HPSE2: variants seen among roughly 807,000 people sequenced by gnomAD.
HPSE2 encodes the protein inactive heparanase-2.
HPSE2 carries 38 observed loss-of-function variants against 60.5 expected under a neutral mutation model. The ratio of observed to expected loss-of-function variants is 0.63; its 90% confidence interval spans 0.48 to 0.82. The LOEUF (loss-of-function observed/expected upper bound fraction) is 0.82, where lower values mean the gene tolerates loss of function less well. Ranked by LOEUF, HPSE2 falls within the 40% of genes least tolerant of loss-of-function variation. HPSE2 has a pLI of 0.00. For synonymous variants in HPSE2, 295 were observed against 293.2 expected (o/e 1.01, Z -0.06); for missense variants, 713 against 740.4 (o/e 0.96, Z 0.43).
chr10:98,922,202 ATT>A (rs1434943915), intron 3 of HPSE2, among the ~76,000 whole-genome samples: 5 of 152,186 alleles, frequency 3.3e-5, no homozygotes, highest in African/African-American at 4.8e-5. Context: ...TCCCATGTGT[ATT>A]TTATACTTGC....
Position 98,703,354 on chromosome 10 carries a change from C to G in HPSE2, c.957-9407G>C, listed in dbSNP as rs148283726. ...TCACAGCTGAATTCTACCAGAGGTA[C>G]AAAGAAGAGCTGGTACCAGTCCTTC... On this transcript the variant is annotated intron_variant, in intron 5 of 11. Coordinates refer to ENST00000370552, the MANE Select transcript of HPSE2 (RefSeq NM_021828.5). 7.5e-3 allele frequency among the ~76,000 whole-genome samples: 1,139 copies of G among 152,234 alleles called. 8 individuals are homozygous for G. The highest frequency in any genetic ancestry group is 0.027 in the South Asian group (132 of 4,830).
intron 9 of HPSE2, among the ~76,000 whole-genome samples, chr10:98,516,593 T>G (rs1942609625): frequency 6.6e-6 from 1 of 152,194 alleles, no homozygotes; most frequent in South Asian, 2.1e-4. Flanking sequence ...CAGTCCCATT[T>G]TTTTTCTGTC....
At chr10:98,514,321 G>A (rs1035675014) in intron 9 of HPSE2, among the ~76,000 whole-genome samples, 10 of 152,006 alleles carry the variant, frequency 6.6e-5, no homozygotes, top group Non-Finnish European at 1.0e-4. Context: ...TATTCAAAGT[G>A]ATAAAAAAAT....
chr10:98,778,448 C>T (rs1950395655), intron 3 of HPSE2, among the ~76,000 whole-genome samples: 1 of 151,406 alleles, frequency 6.6e-6, no homozygotes, highest in Non-Finnish European at 1.5e-5. Context: ...GTCTCTGTGG[C>T]ATATCTACAC....
chr10:98,635,109 C>T (rs1437077143), intron 7 of HPSE2, among the ~76,000 whole-genome samples: 1 of 152,094 alleles, frequency 6.6e-6, no homozygotes, highest in Non-Finnish European at 1.5e-5. Context: ...GTCTTGCTCA[C>T]CATTTTATTC....
intron 3 of HPSE2, among the ~76,000 whole-genome samples, chr10:99,114,957 T>C (rs1844622091): frequency 6.7e-6 from 1 of 149,558 alleles, no homozygotes; most frequent in African/African-American, 2.5e-5. Context: ...TTTAAAAATA[T>C]ATATCCTTTA....
intron 3 of HPSE2, among the ~76,000 whole-genome samples, chr10:98,996,195 T>C (rs143904000): frequency 2.8e-4 from 43 of 152,318 alleles, no homozygotes; most frequent in Non-Finnish European, 4.4e-4. Context: ...GTATTAGTTT[T>C]CATTAATATA....
At chr10:98,842,304 A>G (rs1951933069) in intron 3 of HPSE2, among the ~76,000 whole-genome samples, 1 of 152,162 alleles carries the variant, frequency 6.6e-6, no homozygotes, top group Admixed American at 6.5e-5. Flanking sequence ...CTATCTTTTT[A>G]TATGTGTGCT....
intron 3 of HPSE2, among the ~76,000 whole-genome samples, chr10:98,960,919 G>C (rs938382687): frequency 6.6e-5 from 6 of 91,380 alleles, no homozygotes; most frequent in African/African-American, 2.8e-4. Flanking sequence ...AGTCCCCAGA[G>C]TGTGATATTC....
At chr10:98,914,737 G>C (rs1328234185) in intron 3 of HPSE2, among the ~76,000 whole-genome samples, 2 of 151,250 alleles carry the variant, frequency 1.3e-5, no homozygotes, top group African/African-American at 4.9e-5. Context: ...CAGGTCCTAT[G>C]AAAAACCACC....
At chr10:98,623,789 C>G (rs12244396) in intron 7 of HPSE2, among the ~76,000 whole-genome samples, 6 of 151,764 alleles carry the variant, frequency 4.0e-5, no homozygotes, top group Middle Eastern at 3.4e-3. Context: ...GGTTATCACC[C>G]AAAGGTCTAG....
intron 2 of HPSE2, among the ~76,000 whole-genome samples, chr10:99,151,156 C>G (rs1380384685): frequency 1.3e-5 from 2 of 150,578 alleles, no homozygotes; most frequent in African/African-American, 2.4e-5. Context: ...GATTACAAAA[C>G]AACAAAGATC....
At chr10:99,008,980 G>T (rs1486987772) in intron 3 of HPSE2, among the ~76,000 whole-genome samples, 1 of 152,070 alleles carries the variant, frequency 6.6e-6, no homozygotes, top group East Asian at 1.9e-4. Flanking sequence ...CAACCTGAAA[G>T]TTCCTGCTGC....
chr10:98,473,351 G>A (rs1940858052), intron 11 of HPSE2, among the ~76,000 whole-genome samples: 1 of 151,984 alleles, frequency 6.6e-6, no homozygotes. Flanking sequence ...CAGTTTTGGT[G>A]ACACGCACCT....
At chr10:98,802,398 C>G (rs1325563910) in intron 3 of HPSE2, among the ~76,000 whole-genome samples, 1 of 150,294 alleles carries the variant, frequency 6.7e-6, no homozygotes. Context: ...TATACATGTG[C>G]CATGCTGGTG....
intron 3 of HPSE2, among the ~76,000 whole-genome samples, chr10:98,883,540 C>T (rs1048962750): frequency 3.3e-5 from 5 of 152,046 alleles, no homozygotes; most frequent in Admixed American, 1.3e-4. Context: ...TGTGGTGGCT[C>T]ACACCTGTAA....
chr10:98,626,337 C>T (rs1400119797), intron 7 of HPSE2, among the ~76,000 whole-genome samples: 2 of 152,094 alleles, frequency 1.3e-5, no homozygotes, highest in South Asian at 4.2e-4. Flanking sequence ...GTTTATTGTA[C>T]ATTTGTATAA....
chr10:98,666,906 G>C (rs1307119379), intron 6 of HPSE2, among the ~76,000 whole-genome samples: 5 of 151,824 alleles, frequency 3.3e-5, no homozygotes, highest in African/African-American at 1.2e-4. Context: ...AGAAGAAAAA[G>C]AGTAATAATT....
At chr10:98,561,459 AATATTATT>A (rs1265900651) in intron 9 of HPSE2, among the ~76,000 whole-genome samples, 1 of 152,204 alleles carries the variant, frequency 6.6e-6, no homozygotes, top group Non-Finnish European at 1.5e-5. Context: ...TGTTAGGCTA[AATATTATT>A]ATACAAGCAT....
Sources: allele counts gnomAD v4.1 joint callset (sites outside exome capture counted in the v4.1 genomes callset), GRCh38; gene constraint gnomAD v4.1.1; transcripts MANE v1.5; gene names NCBI Gene and HGNC (gene_info 2026-07-23, HGNC 2026-07-21).